Variants in SPMIP3 observed in about 807,000 individuals in gnomAD.
The protein encoded by SPMIP3 is protein SPMIP3.
At chr1:244,388,389 C>G in the SPMIP3 span, among the ~76,000 whole-genome samples, 4 of 149,004 alleles carry the variant, frequency 2.7e-5, no homozygotes, top group South Asian at 4.4e-4. Context: ...TCCTTCCCCC[C>G]AGACGTACTC....
chr1:244,365,099 A>G, the SPMIP3 span, among the ~76,000 whole-genome samples: 2 of 152,226 alleles, frequency 1.3e-5, no homozygotes, highest in Non-Finnish European at 1.5e-5. Context: ...TTTAGATACC[A>G]TAGGGGAAGA....
At chr1:244,375,590 A>G in the SPMIP3 span, 1 of 609,452 alleles carries the variant, frequency 1.6e-6, no homozygotes, top group Non-Finnish European at 2.8e-6. Flanking sequence ...ATAATAATGG[A>G]TAGAAGAGGT....
At chr1:244,360,173 T>C in the SPMIP3 span, among the ~76,000 whole-genome samples, 1 of 152,100 alleles carries the variant, frequency 6.6e-6, no homozygotes, top group Non-Finnish European at 1.5e-5. Flanking sequence ...TGGGATATCA[T>C]CTCACCTCAG....
At chr1:244,378,759 T>C in the SPMIP3 span, 1 of 1,084,396 alleles carries the variant, frequency 9.2e-7, no homozygotes, top group Non-Finnish European at 1.3e-6. Flanking sequence ...GTTGGAGGCA[T>C]GGATATGTGT....
the SPMIP3 span, among the ~76,000 whole-genome samples, chr1:244,358,862 G>T: frequency 1.3e-5 from 2 of 151,920 alleles, no homozygotes; most frequent in African/African-American, 4.8e-5. Flanking sequence ...TTTTACTTGG[G>T]GCATGTCTAA....
the SPMIP3 span, among the ~76,000 whole-genome samples, chr1:244,371,904 A>G: frequency 6.6e-6 from 1 of 151,976 alleles, no homozygotes; most frequent in Admixed American, 6.6e-5. Context: ...CCCCATTGTT[A>G]TTTACCATCC....
the SPMIP3 span, among the ~76,000 whole-genome samples, chr1:244,360,553 CACACATGCATGCAT>C: frequency 2.3e-3 from 122 of 54,218 alleles, 4 homozygotes; most frequent in South Asian, 0.065. Context: ...CACACACACA[CACACATGCATGCAT>C]GGAATATTAT....
the SPMIP3 span, among the ~76,000 whole-genome samples, chr1:244,387,292 C>G: frequency 6.7e-6 from 1 of 149,558 alleles, no homozygotes. Flanking sequence ...AGTACGACTC[C>G]GTCTGAAAAA....
the SPMIP3 span, chr1:244,375,449 G>T: frequency 6.2e-7 from 1 of 1,613,824 alleles, no homozygotes; most frequent in South Asian, 1.1e-5. Context: ...TTTGATCATA[G>T]TGCAAAGAGA....
At chr1:244,376,828 T>C in the SPMIP3 span, among the ~76,000 whole-genome samples, 2 of 152,032 alleles carry the variant, frequency 1.3e-5, no homozygotes, top group African/African-American at 2.4e-5. Flanking sequence ...TTTTTTTTTT[T>C]AGATGGAGTC....
the SPMIP3 span, among the ~76,000 whole-genome samples, chr1:244,362,086 C>T: frequency 2.6e-5 from 4 of 152,226 alleles, no homozygotes; most frequent in Non-Finnish European, 2.9e-5. Context: ...GTTGGATAGC[C>T]AACTATTCCA....
the SPMIP3 span, among the ~76,000 whole-genome samples, chr1:244,355,742 T>C: frequency 6.6e-6 from 1 of 152,218 alleles, no homozygotes; most frequent in Non-Finnish European, 1.5e-5. Context: ...GCTGGGATTT[T>C]GTTAAGATAA....
the SPMIP3 span, among the ~76,000 whole-genome samples, chr1:244,386,003 AACACACACAC>A: frequency 7.2e-4 from 105 of 145,750 alleles, 3 homozygotes; most frequent in East Asian, 6.3e-3. Flanking sequence ...ATCTCTACAA[AACACACACAC>A]ACACACACAC....
chr1:244,378,805 G>C, the SPMIP3 span, among the ~76,000 whole-genome samples: 4 of 151,908 alleles, frequency 2.6e-5, no homozygotes, highest in Non-Finnish European at 4.4e-5. Context: ...AATTTAGGGG[G>C]CTTCCCAAGG....
chr1:244,365,461 GA>G, the SPMIP3 span, among the ~76,000 whole-genome samples: 2 of 152,326 alleles, frequency 1.3e-5, no homozygotes, highest in East Asian at 3.9e-4. Context: ...CGCCATGGAA[GA>G]CATGCCTTTC....
chr1:244,376,038 C>G, the SPMIP3 span, among the ~76,000 whole-genome samples: 1 of 152,134 alleles, frequency 6.6e-6, no homozygotes, highest in Non-Finnish European at 1.5e-5. Context: ...TCTCACCCAT[C>G]ATTCAAGGCA....
the SPMIP3 span, among the ~76,000 whole-genome samples, chr1:244,372,489 G>A: frequency 6.6e-6 from 1 of 150,686 alleles, no homozygotes; most frequent in African/African-American, 2.4e-5. Context: ...TGTCCCCCAG[G>A]CTGGAGTGCA....
the SPMIP3 span, among the ~76,000 whole-genome samples, chr1:244,368,072 T>C: frequency 1.3e-5 from 2 of 152,172 alleles, no homozygotes; most frequent in Non-Finnish European, 2.9e-5. Flanking sequence ...GTGATTTTCA[T>C]GCCTCAGCCT....
the SPMIP3 span, among the ~76,000 whole-genome samples, chr1:244,373,045 A>C: frequency 6.6e-6 from 1 of 151,610 alleles, no homozygotes; most frequent in Non-Finnish European, 1.5e-5. Flanking sequence ...CACTACAATC[A>C]CTTCCTAAGC....
Sources: gnomAD v4.1 joint callset for allele counts (sites outside exome capture counted in the v4.1 genomes callset) on GRCh38, gnomAD v4.1.1 for gene constraint, MANE v1.5 for transcripts, NCBI Gene and HGNC (gene_info 2026-07-23, HGNC 2026-07-21) for gene names.